The following RGPD1 variants were observed in gnomAD, a reference collection of about 807,000 sequenced individuals.
RGPD1 encodes RANBP2 like and GRIP domain containing 1, also known as RANBP2-like and GRIP domain-containing protein 1.
RGPD1 carries 7 observed loss-of-function variants against 40.6 expected under a neutral mutation model. That is an observed-to-expected ratio of 0.17 (90% CI 0.10 to 0.32). The LOEUF (loss-of-function observed/expected upper bound fraction) is 0.32. RGPD1 is among the 10% of genes least tolerant of loss of function. The pLI, the probability that RGPD1 is intolerant of heterozygous loss-of-function variation, is 1.00. For missense variants in RGPD1, 50 were observed against 472.5 expected (o/e 0.11, Z 8.29); for synonymous variants, 24 against 167.0 (o/e 0.14, Z 6.60).
At chr2:87,006,637 T>C (rs1237626653) in intron 22 of RGPD1, among the ~76,000 whole-genome samples, 5 of 148,288 alleles carry the variant, frequency 3.4e-5, no homozygotes, top group African/African-American at 1.3e-4. Context: ...GGCAGGCGCC[T>C]GTAGTCCCAG....
chr2:86,988,218 C>T, intron 20 of RGPD1, among the ~76,000 whole-genome samples: 1 of 130,638 alleles, frequency 7.7e-6, no homozygotes, highest in Non-Finnish European at 1.6e-5. Flanking sequence ...TTGAGGTGGG[C>T]AGATCACTTG....
At chr2:87,003,385 CATAT>C (rs1197929624) in intron 22 of RGPD1, among the ~76,000 whole-genome samples, 1 of 146,592 alleles carries the variant, frequency 6.8e-6, no homozygotes, top group Non-Finnish European at 1.5e-5. Flanking sequence ...AACCGTCATA[CATAT>C]ATACGTATGA....
intron 1 of RGPD1, among the ~76,000 whole-genome samples, chr2:86,924,830 T>A (rs1327898544): frequency 6.6e-6 from 1 of 151,654 alleles, no homozygotes; most frequent in Non-Finnish European, 1.5e-5. Flanking sequence ...TTCTTTTAAT[T>A]TAATTTCTTT....
chr2:87,013,493 A>G lies in RGPD1; in HGVS notation c.*946A>G, dbSNP rs1165122523. 1 of 141,564 alleles carries G rather than the reference A, an allele frequency of 7.1e-6. No individual in the cohort carries two copies. The highest frequency in any genetic ancestry group is 3.5e-5 in the African/African-American group (1 of 28,304). 8.8% of individuals were successfully genotyped at this position (141,564 alleles called of 1,614,324 possible). A position where few individuals can be genotyped will look rare whatever the true frequency, so the allele number is the denominator to read the frequency against. On this transcript the variant is annotated 3_prime_UTR_variant, in exon 23 of 23. Transcript: ENST00000641458. ...AGATCACTTGATGATACATGGATAC[A>G]TGTTACATACATGATGAGACAGAGT...
At chr2:86,913,858 C>G in exon 1 of RGPD1, 1 of 1,580,068 alleles carries the variant, frequency 6.3e-7, no homozygotes, top group Non-Finnish European at 8.6e-7. Context: ...CGATGAGGCG[C>G]AGCAAGGCCT....
chr2:86,997,037 C>T (rs1234705913), intron 21 of RGPD1, among the ~76,000 whole-genome samples: 1 of 147,374 alleles, frequency 6.8e-6, no homozygotes, highest in Non-Finnish European at 1.5e-5. Context: ...CCATGATACC[C>T]TGTGCTTCTG....
At chr2:86,960,783 G>A (rs1680927936) in intron 6 of RGPD1, among the ~76,000 whole-genome samples, 1 of 64,662 alleles carries the variant, frequency 1.5e-5, no homozygotes, top group Admixed American at 1.3e-4. Flanking sequence ...TAGAGATGGG[G>A]TTTCACTGTG....
intron 1 of RGPD1, among the ~76,000 whole-genome samples, chr2:86,945,336 T>G (rs1680269600): frequency 6.6e-6 from 1 of 152,100 alleles, no homozygotes; most frequent in Admixed American, 6.6e-5. Context: ...CATGTGAAGC[T>G]ATTCTGTAAA....
At chr2:86,931,876 A>G (rs1161631143) in intron 1 of RGPD1, among the ~76,000 whole-genome samples, 9 of 148,870 alleles carry the variant, frequency 6.0e-5, no homozygotes, top group African/African-American at 2.2e-4. Context: ...TGTAATTTCC[A>G]TAACTTCATT....
intron 1 of RGPD1, among the ~76,000 whole-genome samples, chr2:86,936,123 A>G (rs1679338354): frequency 7.4e-6 from 1 of 136,004 alleles, no homozygotes; most frequent in African/African-American, 2.6e-5. Context: ...GTCCTGCCTC[A>G]GCCTCCCACG....
intron 21 of RGPD1, among the ~76,000 whole-genome samples, chr2:86,996,836 C>A (rs1681793251): frequency 1.0e-5 from 1 of 96,252 alleles, no homozygotes; most frequent in South Asian, 4.8e-4. Flanking sequence ...ACTTCAGGAA[C>A]AGCGTAGGGG....
At chr2:86,923,559 G>A (rs921975512) in intron 1 of RGPD1, among the ~76,000 whole-genome samples, 1 of 149,726 alleles carries the variant, frequency 6.7e-6, no homozygotes, top group Non-Finnish European at 1.5e-5. Flanking sequence ...TATCGCCTAG[G>A]CTGGAGTGCA....
chr2:86,926,663 G>A (rs1442362437), intron 1 of RGPD1, among the ~76,000 whole-genome samples: 1 of 150,622 alleles, frequency 6.6e-6, no homozygotes, highest in Non-Finnish European at 1.5e-5. Flanking sequence ...GAACCTGAAA[G>A]GATGAGGATG....
chr2:86,942,489 C>G (rs1412577208), intron 1 of RGPD1, among the ~76,000 whole-genome samples, 181 bp downstream of exon 1: 13 of 125,930 alleles, frequency 1.0e-4, no homozygotes, highest in African/African-American at 3.7e-4. Flanking sequence ...GGCCGGGCGG[C>G]GGCGGCGGCC....
chr2:86,934,357 CA>C (rs575604991), intron 1 of RGPD1: 20,927 of 96,176 alleles, frequency 0.22, 3,345 homozygotes, highest in African/African-American at 0.47. Flanking sequence ...GTCTCTGTCT[CA>C]AAAAAAAAAA....
chr2:86,942,092 C>G, upstream of RGPD1: 2 of 1,147,584 alleles, frequency 1.7e-6, no homozygotes, highest in African/African-American at 1.6e-5. Context: ...CAAGGATACA[C>G]AGTGCTGACG....
At chr2:86,930,684 A>G (rs1322844659) in intron 1 of RGPD1, 6 of 1,609,248 alleles carry the variant, frequency 3.7e-6, no homozygotes, top group Non-Finnish European at 5.1e-6. Flanking sequence ...CAGCTCTCGA[A>G]GCTGCTGTTG....
rs1203804411 is a variant in RGPD1 at position 86,931,979 on chromosome 2, TATTC to T, written c.72+18061_72+18064del. ...TCATTATATATATATTTATATATAA[TATTC>T]ATATTATATATATATGTCTATAACA... On this transcript the variant is annotated intron_variant, in intron 1 of 22. Transcript: ENST00000398193. 4.3e-4 allele frequency among the ~76,000 whole-genome samples: 64 copies of T among 148,170 alleles called. No individual in the cohort carries two copies. The South Asian group carries it at 0.011, about 26-fold the overall frequency.
chr2:86,918,214 T>G lies in RGPD1; in HGVS notation c.72+4293T>G, dbSNP rs1281978130. ...TATACCATCTACTCTGTTAATGGTA[T>G]AAGGCCTTACCTCTCACCCTCTTCC... On this transcript the variant is annotated intron_variant, in intron 1 of 22. Coordinates refer to the RGPD1 transcript ENST00000398193. 7.3e-5 allele frequency among the ~76,000 whole-genome samples: 11 copies of G among 150,840 alleles called. No individual in the cohort carries two copies. In the East Asian group the frequency reaches 9.7e-4, roughly 13 times the overall value.
Sources: allele counts gnomAD v4.1 joint callset (sites outside exome capture counted in the v4.1 genomes callset), GRCh38; gene constraint gnomAD v4.1.1; transcripts MANE v1.5; gene names NCBI Gene and HGNC (gene_info 2026-07-23, HGNC 2026-07-21).